Variants in ABCG2 observed in about 807,000 individuals in gnomAD.
ABCG2 encodes the protein ATP binding cassette subfamily G member 2 (JR blood group).
Under a neutral mutation model 73.5 loss-of-function variants are expected in ABCG2, and 80 were observed. That is an observed-to-expected ratio of 1.09 (90% CI 0.91 to 1.31). The LOEUF (loss-of-function observed/expected upper bound fraction) is 1.31. Among genes scored for constraint, ABCG2 ranks in the 50% most tolerant of loss-of-function variants. ABCG2 has a pLI of 0.00. For synonymous variants in ABCG2, 269 were observed against 282.4 expected (o/e 0.95, Z 0.48); for missense variants, 796 against 786.2 (o/e 1.01, Z -0.15).
intron 2 of ABCG2, among the ~76,000 whole-genome samples, chr4:88,134,066 A>C (rs1262127271): frequency 6.6e-6 from 1 of 152,138 alleles, no homozygotes; most frequent in Non-Finnish European, 1.5e-5. Context: ...TTCAAAACAC[A>C]GGTATCTATG....
intron 13 of ABCG2, 52 bp from the exon 14 acceptor site, chr4:88,095,661 A>G: frequency 7.3e-7 from 1 of 1,373,646 alleles, no homozygotes; most frequent in Non-Finnish European, 1.0e-6. Flanking sequence ...TTTCATGCAG[A>G]ATTCTAGAGA....
chr4:88,119,819 G>C (rs1196792992), intron 6 of ABCG2, among the ~76,000 whole-genome samples: 1 of 152,120 alleles, frequency 6.6e-6, no homozygotes, highest in Non-Finnish European at 1.5e-5. Context: ...TGTTTAAAAG[G>C]GAAGCGGAGC....
chr4:88,180,030 A>G (rs923203457), intron 1 of ABCG2, among the ~76,000 whole-genome samples: 1 of 152,220 alleles, frequency 6.6e-6, no homozygotes, highest in African/African-American at 2.4e-5. Flanking sequence ...AAGGACAATA[A>G]CAAAGAACTT....
intron 7 of ABCG2, among the ~76,000 whole-genome samples, chr4:88,117,540 G>T (rs200970332): frequency 1.3e-5 from 2 of 152,116 alleles, no homozygotes; most frequent in Non-Finnish European, 2.9e-5. Context: ...AGGAGGCTGA[G>T]GCAGGAGAAT....
At chr4:88,114,329 A>G (rs958162184) in intron 8 of ABCG2, among the ~76,000 whole-genome samples, 6 of 152,158 alleles carry the variant, frequency 3.9e-5, no homozygotes, top group Non-Finnish European at 8.8e-5. Flanking sequence ...AATTCTTAAT[A>G]TAAAATTCTG....
In ABCG2 at chr4:88,101,251, A is replaced by G. The variant is rs767101087; in HGVS notation, c.1346T>C (p.Val449Ala). ...TCACATGAAGAGCTTCTTCTCTACC[A>G]CAAAGAGTTCCACGGCTGAAACACT... Reference protein sequence around the residue: ...FSSVSAVELFVVEKKLFIHEY... With the variant: ...FSSVSAVELFAVEKKLFIHEY... Residue 449 changes from valine to alanine, a missense_variant, in exon 11 of 16, where the codon GTG becomes GCG. Physicochemically the swap from Val to Ala is moderately conservative, Grantham distance 64. Coordinates refer to ENST00000237612, the MANE Select transcript of ABCG2 (RefSeq NM_004827.3). The G allele has an allele frequency of 7.4e-6, 12 of 1,614,028 alleles. No individual in the cohort carries two copies. In the Admixed American group the frequency reaches 8.3e-5, roughly 11 times the overall value.
intron 1 of ABCG2, among the ~76,000 whole-genome samples, chr4:88,214,501 T>C (rs1454976148): frequency 6.6e-6 from 1 of 152,094 alleles, no homozygotes; most frequent in Non-Finnish European, 1.5e-5. Context: ...TAGGGATAGA[T>C]AACTGGAACA....
intron 1 of ABCG2, among the ~76,000 whole-genome samples, chr4:88,202,051 C>A (rs1729186166): frequency 6.6e-6 from 1 of 151,892 alleles, no homozygotes; most frequent in South Asian, 2.1e-4. Context: ...TCAGCAATAT[C>A]TAAAGAGAGG....
Position 88,191,411 on chromosome 4 carries a change from T to A in ABCG2, c.-20+39583A>T, listed in dbSNP as rs79335697. ...AATTCAAACCATAATGAGATACCAC[T>A]TCATACCCACTAAAATAGCTATAAT... On this transcript the variant is annotated intron_variant, in intron 1 of 15. Coordinates refer to the ABCG2 transcript ENST00000515655. Among the ~76,000 whole-genome samples, 214 of 152,112 alleles carry A rather than the reference T, an allele frequency of 1.4e-3. 1 individual carries two copies. The highest frequency in any genetic ancestry group is 7.9e-3 in the East Asian group (41 of 5,174).
chr4:88,139,176 C>T (rs1454612620), intron 2 of ABCG2, among the ~76,000 whole-genome samples: 7 of 151,416 alleles, frequency 4.6e-5, no homozygotes, highest in East Asian at 1.9e-4. Flanking sequence ...CTTGAGCAGA[C>T]GAGACTTCTA....
At chr4:88,118,360 C>T (rs1723743537) in intron 6 of ABCG2, 100 bp from the exon 7 acceptor site, 2 of 1,293,526 alleles carry the variant, frequency 1.5e-6, no homozygotes, top group Non-Finnish European at 2.1e-6. Context: ...TGCTCTAGTT[C>T]AGCCTGACTT....
At chr4:88,192,269 G>T (rs894923882) in intron 1 of ABCG2, among the ~76,000 whole-genome samples, 4 of 152,168 alleles carry the variant, frequency 2.6e-5, no homozygotes, top group Non-Finnish European at 5.9e-5. Context: ...TCTTTTGGGG[G>T]TGATAGAAAT....
At chr4:88,114,805 G>A in intron 8 of ABCG2, 152 bp downstream of exon 8, 1 of 537,352 alleles carries the variant, frequency 1.9e-6, no homozygotes, top group African/African-American at 1.9e-5. Context: ...AACACCAACA[G>A]CACTCACAGA....
Position 88,121,705 on chromosome 4 carries a change from A to C in ABCG2, c.619T>G (p.Leu207Val). The change falls in exon 6 of 16, where the codon TTG becomes GTG. Residue 207 changes from leucine (L) to valine (V), a missense_variant. By Grantham distance (32) the Leu-to-Val change is conservative (BLOSUM62 1). Transcript: ENST00000237612. ...CCAGTTGTAGGCTCATCCAAGAACA[A>C]GATGGAAGGATCAGTGATAAGCTCC... is the stretch of plus-strand genomic sequence containing the variant. Reference protein sequence around the residue: ...GMELITDPSILFLDEPTTGLD... With the variant: ...GMELITDPSIVFLDEPTTGLD... 1.9e-6 allele frequency: 3 copies of C among 1,614,128 alleles called. No homozygotes were observed. Among genetic ancestry groups the C allele is most frequent in the Non-Finnish European group, 2.5e-6 (3 of 1,179,980 alleles).
At chr4:88,119,620 T>C (rs1723824699) in intron 6 of ABCG2, among the ~76,000 whole-genome samples, 1 of 152,124 alleles carries the variant, frequency 6.6e-6, no homozygotes, top group Non-Finnish European at 1.5e-5. Context: ...TGCTATGTTT[T>C]AGCAAAGAGA....
intron 1 of ABCG2, among the ~76,000 whole-genome samples, chr4:88,169,071 G>A (rs1727654190): frequency 1.4e-5 from 2 of 140,908 alleles, no homozygotes; most frequent in Non-Finnish European, 3.1e-5. Context: ...TTTGAGACAA[G>A]GTCTCACTCT....
upstream of ABCG2, chr4:88,231,330 C>G (rs938460280): frequency 5.3e-5 from 8 of 152,268 alleles, no homozygotes; most frequent in African/African-American, 1.9e-4. Context: ...TTCTCCACTA[C>G]TAGCTGATTA....
chr4:88,139,126 G>A (rs1725442832), intron 2 of ABCG2, among the ~76,000 whole-genome samples: 1 of 149,686 alleles, frequency 6.7e-6, no homozygotes. Flanking sequence ...GGGTGATAGA[G>A]CGAGACTCCC....
chr4:88,100,283 T>A (rs757338882), intron 11 of ABCG2, among the ~76,000 whole-genome samples: 4 of 151,808 alleles, frequency 2.6e-5, no homozygotes, highest in Non-Finnish European at 5.9e-5. Flanking sequence ...GTGGATCACC[T>A]GAGGTCAGGA....
Sources: gnomAD v4.1 joint callset for allele counts (sites outside exome capture counted in the v4.1 genomes callset) on GRCh38, gnomAD v4.1.1 for gene constraint, MANE v1.5 for transcripts, NCBI Gene and HGNC (gene_info 2026-07-23, HGNC 2026-07-21) for gene names.